Variants in DCBLD1 observed in about 807,000 individuals in gnomAD.
DCBLD1 encodes discoidin, CUB and LCCL domain containing 1, also known as discoidin, CUB and LCCL domain-containing protein 1.
DCBLD1 carries 57 observed loss-of-function variants against 71.5 expected under a neutral mutation model. The observed-to-expected ratio is 0.80, with a 90% CI of 0.64 to 0.99. The LOEUF (loss-of-function observed/expected upper bound fraction) is 0.99. Among genes scored for constraint, DCBLD1 ranks in the 50% least tolerant of loss-of-function variants. The pLI is 0.00. For synonymous variants in DCBLD1, 380 were observed against 363.8 expected, an observed-to-expected ratio of 1.04 and a Z score of -0.51; for missense variants, 891 against 923.5, an observed-to-expected ratio of 0.96 and a Z score of 0.46.
At chr6:117,547,279 C>G (rs1779297876) in intron 14 of DCBLD1, among the ~76,000 whole-genome samples, 1 of 152,164 alleles carries the variant, frequency 6.6e-6, no homozygotes, top group Non-Finnish European at 1.5e-5. Context: ...CTCCATCGCC[C>G]CATTGTGTGA....
In DCBLD1 at chr6:117,541,018, A is replaced by G. The variant is rs1264889836; in HGVS notation, c.1350A>G (p.Thr450=). The G allele has an allele frequency of 6.2e-7, 1 of 1,614,086 alleles. No homozygotes were observed. The highest frequency in any genetic ancestry group is 1.3e-5 in the African/African-American group (1 of 74,938). ...CAAGGCCCATCCCCTCGGAAGAAAC[A>G]TCCACAGGTAGAGCCGTGATTGTCT... is the stretch of plus-strand genomic sequence containing the variant. ...TITRPIPSEE[T]STGINITTVA... is the part of the protein sequence containing the mutation. The change falls in exon 11 of 15, where the codon ACA becomes ACG. Residue 450 remains threonine (T), a synonymous_variant. Coordinates refer to ENST00000338728, the MANE Select transcript of DCBLD1 (RefSeq NM_001366458.2).
chr6:117,520,251 TTA>T (rs1778343519), intron 3 of DCBLD1, among the ~76,000 whole-genome samples: 2 of 152,344 alleles, frequency 1.3e-5, no homozygotes, highest in South Asian at 4.1e-4. Context: ...ATTTTTATAA[TTA>T]TGTTTTACGA....
intron 1 of DCBLD1, 39 bp downstream of exon 1, chr6:117,482,932 C>T: frequency 8.6e-7 from 1 of 1,162,596 alleles, no homozygotes; most frequent in Non-Finnish European, 1.1e-6. Context: ...GGACCCGAGG[C>T]GCCAGGGGCG....
chr6:117,512,311 T>C (rs982134632), intron 2 of DCBLD1, among the ~76,000 whole-genome samples: 2 of 152,218 alleles, frequency 1.3e-5, no homozygotes, highest in Non-Finnish European at 2.9e-5. Context: ...CTGATTTTTG[T>C]GTGGGAATGA....
Position 117,542,420 on chromosome 6 carries a change from T to C in DCBLD1, c.1358-704T>C, listed in dbSNP as rs189752602. On this transcript the variant is annotated intron_variant, in intron 11 of 14. Coordinates refer to ENST00000338728, the MANE Select transcript of DCBLD1 (RefSeq NM_001366458.2). Reference sequence around the variant, plus strand: ...ATTTTTCCACTCTTAAGCATCCCTTTATTTTCTTCCCAGGGATCACAGAAG... The same window carrying C: ...ATTTTTCCACTCTTAAGCATCCCTTCATTTTCTTCCCAGGGATCACAGAAG... Among the ~76,000 whole-genome samples the C allele has an allele frequency of 1.9e-3, 283 of 152,336 alleles. 2 individuals are homozygous for C. Among genetic ancestry groups the C allele is most frequent in the Non-Finnish European group, 3.1e-3 (213 of 68,024 alleles).
chr6:117,510,382 C>T (rs752935990), intron 2 of DCBLD1, among the ~76,000 whole-genome samples: 10 of 151,332 alleles, frequency 6.6e-5, no homozygotes, highest in South Asian at 4.2e-4. Flanking sequence ...CACACACACA[C>T]GTAAAAGTAA....
At chr6:117,568,476 C>T (rs1320463084) in intron 14 of DCBLD1, among the ~76,000 whole-genome samples, 2 of 152,154 alleles carry the variant, frequency 1.3e-5, no homozygotes, top group Non-Finnish European at 2.9e-5. Flanking sequence ...TATGGCTGCC[C>T]ATTGATAGCT....
At position 117,482,805 on chromosome 6, in the gene DCBLD1, C is replaced by T; in HGVS notation, c.24C>T (p.Gly8=). The T allele has an allele frequency of 1.7e-6, 2 of 1,153,772 alleles. No homozygotes were observed. The highest frequency in any genetic ancestry group is 4.2e-5 in the East Asian group (1 of 23,992). The allele number at this position is 1,153,772 out of a possible 1,614,324, so 71.5% of individuals were successfully genotyped here. The part of the protein sequence containing the change: MVPGARG[G]GALARAAGRG... The stretch of plus-strand genomic sequence containing the variant: ...TCATGGTGCCCGGCGCCCGCGGCGG[C>T]GGCGCACTGGCGCGGGCTGCCGGGC... The change falls in exon 1 of 15, where the codon GGC becomes GGT. Residue 8 remains glycine, a synonymous_variant. Coordinates refer to ENST00000338728, the MANE Select transcript of DCBLD1 (RefSeq NM_001366458.2).
chr6:117,563,157 C>G (rs757054034), intron 14 of DCBLD1: 1 of 1,154,978 alleles, frequency 8.7e-7, no homozygotes, highest in Non-Finnish European at 1.3e-6. Context: ...AGGCAACAAA[C>G]AGCCTCCCCT....
intron 11 of DCBLD1, among the ~76,000 whole-genome samples, 170 bp from the exon 12 acceptor site, chr6:117,542,954 T>A (rs1487338180): frequency 1.3e-5 from 2 of 152,178 alleles, no homozygotes; most frequent in Non-Finnish European, 2.9e-5. Context: ...TTAGCCAGGA[T>A]TTTGAATCCT....
intron 1 of DCBLD1, among the ~76,000 whole-genome samples, chr6:117,502,568 G>T (rs554639249): frequency 1.3e-5 from 2 of 152,354 alleles, no homozygotes; most frequent in Non-Finnish European, 2.9e-5. Context: ...AACTGGGGAA[G>T]AGGCTGGGAG....
intron 4 of DCBLD1, among the ~76,000 whole-genome samples, chr6:117,522,549 C>T (rs1778420321): frequency 6.6e-6 from 1 of 152,038 alleles, no homozygotes; most frequent in Non-Finnish European, 1.5e-5. Context: ...TCAAAGTATG[C>T]TCCTGCCTCA....
At chr6:117,506,041 GAAAAT>G (rs1233529481) in intron 2 of DCBLD1, among the ~76,000 whole-genome samples, 1 of 152,050 alleles carries the variant, frequency 6.6e-6, no homozygotes, top group Non-Finnish European at 1.5e-5. Flanking sequence ...TTTGTCTTTT[GAAAAT>G]AAAATGTATG....
chr6:117,550,577 T>C (rs1164351737), downstream of DCBLD1, among the ~76,000 whole-genome samples: 1 of 152,234 alleles, frequency 6.6e-6, no homozygotes, highest in Non-Finnish European at 1.5e-5. Context: ...CTCTGGGTTT[T>C]ATTATTGTTA....
intron 1 of DCBLD1, among the ~76,000 whole-genome samples, chr6:117,491,337 C>T (rs1777285893): frequency 6.6e-6 from 1 of 152,106 alleles, no homozygotes; most frequent in Non-Finnish European, 1.5e-5. Context: ...ATTCCGCCCA[C>T]CATTTTTTTG....
chr6:117,519,801 G>A lies in DCBLD1; in HGVS notation c.326-15G>A, dbSNP rs1037995944. The A allele has an allele frequency of 4.4e-6, 7 of 1,599,580 alleles. No individual in the cohort carries two copies. The highest frequency in any genetic ancestry group is 5.1e-6 in the Non-Finnish European group (6 of 1,167,846). On this transcript the variant is annotated splice_polypyrimidine_tract_variant and intron_variant, in intron 2 of 14. Coordinates refer to ENST00000338728, the MANE Select transcript of DCBLD1 (RefSeq NM_001366458.2). ...ATAAATTTTGAAATGTGCCACAAGT[G>A]TGCTTTGTTTTTAGGTCCATACTGT...
At chr6:117,501,542 C>G (rs1047276431) in intron 1 of DCBLD1, among the ~76,000 whole-genome samples, 1 of 152,198 alleles carries the variant, frequency 6.6e-6, no homozygotes. Flanking sequence ...CCATGTTGGT[C>G]AGGCTGGTCT....
In DCBLD1 at chr6:117,549,036, G is replaced by T. The variant is rs991975471; in HGVS notation, c.*597G>T. On this transcript the variant is annotated 3_prime_UTR_variant, in exon 15 of 15. Coordinates refer to ENST00000338728, the MANE Select transcript of DCBLD1 (RefSeq NM_001366458.2). ...CTTGAAGCATGAAAAGCACACCAGG[G>T]TGGTTGTTTATTTAGCAATTATGAC... 1.1e-5 allele frequency: 11 copies of T among 986,298 alleles called. No homozygotes were observed. The African/African-American group carries it at 1.9e-4, about 17-fold the overall frequency. 61.1% of individuals were successfully genotyped at this position (986,298 alleles called of 1,614,324 possible). A position where few individuals can be genotyped will look rare whatever the true frequency, so the allele number is the denominator to read the frequency against.
At chr6:117,556,688 G>A (rs916993472) in intron 14 of DCBLD1, among the ~76,000 whole-genome samples, 9 of 152,124 alleles carry the variant, frequency 5.9e-5, no homozygotes, top group Non-Finnish European at 1.3e-4. Flanking sequence ...ATAAACATAC[G>A]AGTGCCAGTA....
Sources: gnomAD v4.1 joint callset for allele counts (sites outside exome capture counted in the v4.1 genomes callset) on GRCh38, gnomAD v4.1.1 for gene constraint, MANE v1.5 for transcripts, NCBI Gene and HGNC (gene_info 2026-07-23, HGNC 2026-07-21) for gene names.